Variants in FGF13 observed in about 807,000 individuals in gnomAD.
FGF13 encodes the protein fibroblast growth factor homologous factor 2.
A neutral mutation model predicts 19.5 loss-of-function variants in FGF13; 2 were observed. That is an observed-to-expected ratio of 0.10 (90% CI 0.04 to 0.32). The LOEUF is 0.32. FGF13 is among the 10% of genes least tolerant of loss of function. The pLI is 1.00. For missense variants in FGF13, 113 were observed against 192.7 expected, an observed-to-expected ratio of 0.59 and a Z score of 2.45; for synonymous variants, 72 against 76.9, an observed-to-expected ratio of 0.94 and a Z score of 0.33.
rs183403090 is a variant in FGF13, at chrX:138,689,452, A to G, written c.402+13532T>C. On this transcript the variant is annotated intron_variant, in intron 3 of 4. Transcript: ENST00000315930. ...GCAAGGACCATGAGTGGTTCCAGCAAACTGACAGGCATCACTAGAATGTGT... is the reference window on the plus strand; with the variant it reads ...GCAAGGACCATGAGTGGTTCCAGCAGACTGACAGGCATCACTAGAATGTGT... Among the ~76,000 whole-genome samples the G allele has an allele frequency of 5.4e-5, 6 of 111,432 alleles. No individual in the cohort carries two copies. The East Asian group carries it at 1.7e-3, about 32-fold the overall frequency.
At chrX:138,989,807 A>C (rs1160868861) in intron 1 of FGF13, among the ~76,000 whole-genome samples, 3 of 111,047 alleles carry the variant, frequency 2.7e-5, no homozygotes, top group African/African-American at 9.8e-5. Context: ...GCCCAGAGTT[A>C]TAAAACTACT....
chrX:138,872,230 C>G (rs779613585), intron 1 of FGF13, among the ~76,000 whole-genome samples: 2 of 111,823 alleles, frequency 1.8e-5, no homozygotes, highest in African/African-American at 6.5e-5. Context: ...TAATAACTCC[C>G]TGGGATATAC....
At chrX:138,937,020 TG>T (rs1476221268) in intron 1 of FGF13, among the ~76,000 whole-genome samples, 1 of 111,765 alleles carries the variant, frequency 8.9e-6, no homozygotes, top group Non-Finnish European at 1.9e-5. Context: ...CTCTCTCAAG[TG>T]GTGCTCTTAG....
chrX:138,948,781 C>G lies in FGF13; in HGVS notation c.-112-84131G>C, dbSNP rs151249911. On this transcript the variant is annotated intron_variant, in intron 1 of 2. Transcript: ENST00000421460. ...CCTGAGACTGTCAATGTGAACAATA[C>G]TTGTCTCTACCCTTGTTAGATAGCA... 9.4e-3 allele frequency among the ~76,000 whole-genome samples: 1,051 copies of G among 112,001 alleles called. 13 individuals carry two copies. Among genetic ancestry groups the G allele is most frequent in the African/African-American group, 0.032 (976 of 30,870 alleles).
chrX:138,982,483 T>A (rs760000524), intron 1 of FGF13, among the ~76,000 whole-genome samples: 1 of 111,943 alleles, frequency 8.9e-6, no homozygotes, highest in Non-Finnish European at 1.9e-5. Flanking sequence ...AGGTGTGTAT[T>A]TGAATGAGGA....
chrX:138,645,400 C>T (rs1010611595), intron 3 of FGF13, among the ~76,000 whole-genome samples: 42 of 111,078 alleles, frequency 3.8e-4, no homozygotes, highest in Non-Finnish European at 7.5e-5. Context: ...CTCAGCCCTC[C>T]CTCCTATTTG....
In FGF13 at chrX:138,825,668, C is replaced by T. The variant is rs907516905; in HGVS notation, c.217+31844G>A. On this transcript the variant is annotated intron_variant, in intron 3 of 6. Transcript: ENST00000436198. ...AGTTACCTTTCTAAGCCTCAGTTTT[C>T]TCATTCGCAAAATGAGCAGTAAATG... is the stretch of plus-strand genomic sequence containing the variant. Among the ~76,000 whole-genome samples the T allele has an allele frequency of 2.7e-5, 3 of 111,641 alleles. No homozygotes were observed. In the East Asian group the frequency reaches 8.5e-4, roughly 32 times the overall value.
intron 3 of FGF13, among the ~76,000 whole-genome samples, chrX:138,744,622 T>G (rs59413808): frequency 0.016 from 1,744 of 111,167 alleles, 27 homozygotes; most frequent in African/African-American, 0.054. Context: ...GGCAGCATTT[T>G]TGTGAAAACA....
intron 1 of FGF13, among the ~76,000 whole-genome samples, chrX:138,726,958 T>C (rs975712360): frequency 9.0e-6 from 1 of 110,845 alleles, no homozygotes; most frequent in Non-Finnish European, 1.9e-5. Flanking sequence ...CTTTTAACAC[T>C]TCGCTCTGCT....
At chrX:139,116,325 C>G (rs1443069850) in intron 1 of FGF13, among the ~76,000 whole-genome samples, 1 of 111,795 alleles carries the variant, frequency 8.9e-6, no homozygotes, top group Admixed American at 9.5e-5. Flanking sequence ...TTATTTTGCT[C>G]ATTTCTGGCA....
At chrX:139,172,628 A>C (rs778085566) in intron 1 of FGF13, among the ~76,000 whole-genome samples, 2 of 111,974 alleles carry the variant, frequency 1.8e-5, no homozygotes, top group Non-Finnish European at 3.8e-5. Flanking sequence ...CTATTGATAG[A>C]TATCAGAAAG....
upstream of FGF13, chrX:138,712,247 G>T (rs1261085314): frequency 9.0e-6 from 1 of 111,721 alleles, no homozygotes; most frequent in Non-Finnish European, 1.9e-5. Flanking sequence ...GCAGAGCTGC[G>T]CCCGCACACC....
intron 1 of FGF13, among the ~76,000 whole-genome samples, chrX:139,019,194 A>G (rs1423054803): frequency 1.8e-5 from 2 of 112,213 alleles, no homozygotes; most frequent in African/African-American, 3.2e-5. Context: ...GAGCCAGGAT[A>G]TAAACCAGGG....
Position 138,711,225 on chromosome X carries a change from T to C in FGF13, c.-222A>G. Reference sequence around the variant, plus strand: ...GCGGTCCGGCTCCCGCGCGGGCTGCTGGCTGCCTGGGTCGGAGTCGACGCC... The same window carrying C: ...GCGGTCCGGCTCCCGCGCGGGCTGCCGGCTGCCTGGGTCGGAGTCGACGCC... On this transcript the variant is annotated 5_prime_UTR_variant, in exon 1 of 5. Coordinates refer to ENST00000315930, the MANE Select transcript of FGF13 (RefSeq NM_004114.5). 1.9e-6 allele frequency: 2 copies of C among 1,047,274 alleles called. No individual in the cohort carries two copies. The highest frequency in any genetic ancestry group is 5.4e-5 in the South Asian group (2 of 36,811). 86.3% of individuals were successfully genotyped at this position (1,047,274 alleles called of 1,213,427 possible).
intron 3 of FGF13, among the ~76,000 whole-genome samples, chrX:138,678,103 C>G (rs1233044243): frequency 2.7e-5 from 3 of 111,398 alleles, no homozygotes; most frequent in Non-Finnish European, 5.7e-5. Flanking sequence ...ACCGCATGTT[C>G]TCACTCATAG....
At chrX:138,686,820 G>C (rs1312872457) in intron 3 of FGF13, among the ~76,000 whole-genome samples, 2 of 111,684 alleles carry the variant, frequency 1.8e-5, no homozygotes, top group Non-Finnish European at 3.8e-5. Flanking sequence ...CCTCTTAAAG[G>C]CTGACTTAGT....
At chrX:138,885,067 A>T (rs1206449613) in intron 1 of FGF13, among the ~76,000 whole-genome samples, 1 of 112,364 alleles carries the variant, frequency 8.9e-6, no homozygotes, top group Admixed American at 9.5e-5. Flanking sequence ...TTGCAGAGAA[A>T]AATACAGCAT....
chrX:138,947,299 CT>C (rs1467822357), intron 1 of FGF13, among the ~76,000 whole-genome samples: 1 of 110,640 alleles, frequency 9.0e-6, no homozygotes, highest in Non-Finnish European at 1.9e-5. Context: ...CAAAAAAAAA[CT>C]TTTTTTTCAA....
At chrX:138,755,628 A>G (rs1245310040) in intron 3 of FGF13, among the ~76,000 whole-genome samples, 1 of 112,664 alleles carries the variant, frequency 8.9e-6, no homozygotes, top group Non-Finnish European at 1.9e-5. Context: ...TTCTCAGAAT[A>G]AGAAATCACC....
Sources: allele counts gnomAD v4.1 joint callset (sites outside exome capture counted in the v4.1 genomes callset), GRCh38; gene constraint gnomAD v4.1.1; transcripts MANE v1.5; gene names NCBI Gene and HGNC (gene_info 2026-07-23, HGNC 2026-07-21).